Variants in FGD4 observed in about 807,000 individuals in gnomAD.
FGD4 encodes FYVE, RhoGEF and PH domain containing 4.
A neutral mutation model predicts 102.0 loss-of-function variants in FGD4; 42 were observed. The ratio of observed to expected loss-of-function variants is 0.41; its 90% CI spans 0.32 to 0.53. FGD4 has a LOEUF of 0.53. FGD4 is among the 20% of genes least tolerant of loss of function. FGD4 has a pLI of 0.21. For missense variants in FGD4, 902 were observed against 1,078.2 expected, an observed-to-expected ratio of 0.84 and a Z score of 2.29; for synonymous variants, 380 against 375.7, an observed-to-expected ratio of 1.01 and a Z score of -0.13.
chr12:32,450,713 C>G (rs1217937497), intron 1 of FGD4, among the ~76,000 whole-genome samples: 1 of 152,210 alleles, frequency 6.6e-6, no homozygotes, highest in Non-Finnish European at 1.5e-5. Flanking sequence ...TTCATACACA[C>G]GTACACATTT....
chr12:32,533,462 G>A (rs1009636327), intron 1 of FGD4, among the ~76,000 whole-genome samples: 5 of 152,164 alleles, frequency 3.3e-5, no homozygotes, highest in Admixed American at 3.3e-4. Flanking sequence ...GTCTCACTCT[G>A]TCACCGAGGC....
At chr12:32,537,424 G>A (rs1337251657) in intron 1 of FGD4, among the ~76,000 whole-genome samples, 1 of 152,110 alleles carries the variant, frequency 6.6e-6, no homozygotes, top group Non-Finnish European at 1.5e-5. Context: ...ACCTCCTGGA[G>A]TCCATTGTCT....
At chr12:32,509,389 G>A (rs1003097126) in intron 1 of FGD4, among the ~76,000 whole-genome samples, 6 of 151,848 alleles carry the variant, frequency 4.0e-5, no homozygotes, top group African/African-American at 1.5e-4. Context: ...TCTTTAAGAA[G>A]TCCTCAGGTG....
At chr12:32,468,015 CA>C (rs1185835581) in intron 1 of FGD4, among the ~76,000 whole-genome samples, 2 of 151,696 alleles carry the variant, frequency 1.3e-5, no homozygotes, top group Non-Finnish European at 2.9e-5. Flanking sequence ...GACTCCATCT[CA>C]AAAAAAATTT....
chr12:32,526,493 G>T (rs1431340904), intron 1 of FGD4, among the ~76,000 whole-genome samples: 4 of 152,098 alleles, frequency 2.6e-5, no homozygotes, highest in Non-Finnish European at 5.9e-5. Flanking sequence ...GAGAACCTTT[G>T]TATCTAGCTC....
At chr12:32,441,124 G>A (rs559220361) in intron 1 of FGD4, among the ~76,000 whole-genome samples, 14 of 152,248 alleles carry the variant, frequency 9.2e-5, no homozygotes, top group African/African-American at 2.9e-4. Context: ...CCAAGAGCTC[G>A]CTTGATGCTC....
chr12:32,620,291 G>A (rs1949728683), intron 11 of FGD4, among the ~76,000 whole-genome samples: 1 of 152,098 alleles, frequency 6.6e-6, no homozygotes, highest in African/African-American at 2.4e-5. Context: ...TAGGGCCTTA[G>A]GGGCAATCAA....
rs990691614 is a variant in FGD4 at position 32,539,491 on chromosome 12, C to T, written c.167-24646C>T. The stretch of plus-strand genomic sequence containing the variant: ...GGCTGAGGCAGGACAATCGCTTGAA[C>T]CTGAGAGGCGGAGGTTGCAGTGAGC... On this transcript the variant is annotated intron_variant, in intron 1 of 16. Coordinates refer to ENST00000534526, the MANE Select transcript of FGD4 (RefSeq NM_001370298.3). Among the ~76,000 whole-genome samples the T allele has an allele frequency of 2.6e-5, 4 of 151,838 alleles. No homozygotes were observed. In the East Asian group the frequency reaches 7.7e-4, roughly 29 times the overall value.
intron 10 of FGD4, among the ~76,000 whole-genome samples, chr12:32,618,234 T>C (rs942488169): frequency 2.0e-5 from 3 of 152,192 alleles, no homozygotes; most frequent in Non-Finnish European, 2.9e-5. Flanking sequence ...TGTCACTCAG[T>C]TTGCAGGAAC....
intron 1 of FGD4, among the ~76,000 whole-genome samples, chr12:32,432,050 C>CTTTTTTT (rs1565736625): frequency 8.5e-6 from 1 of 117,590 alleles, no homozygotes; most frequent in African/African-American, 3.5e-5. Context: ...GTAATCCTAG[C>CTTTTTTT]ATTTTTTTTT....
At chr12:32,556,556 A>G (rs1944135150) in intron 1 of FGD4, among the ~76,000 whole-genome samples, 1 of 152,108 alleles carries the variant, frequency 6.6e-6, no homozygotes, top group South Asian at 2.1e-4. Context: ...TCCATGCTGT[A>G]GCATATGATA....
At chr12:32,530,941 G>GTGTTTT (rs1941731060) in intron 1 of FGD4, among the ~76,000 whole-genome samples, 1 of 70,466 alleles carries the variant, frequency 1.4e-5, no homozygotes, top group African/African-American at 6.9e-5. Context: ...CCTAGCTTTG[G>GTGTTTT]TTTTTTTTTT....
chr12:32,512,275 C>T (rs1387358968), intron 1 of FGD4, among the ~76,000 whole-genome samples: 1 of 151,828 alleles, frequency 6.6e-6, no homozygotes, highest in Admixed American at 6.6e-5. Context: ...AGTGAAACTC[C>T]CTCTCTACTA....
intron 7 of FGD4, 130 bp downstream of exon 7, chr12:32,602,447 AT>A: frequency 9.9e-7 from 1 of 1,015,176 alleles, no homozygotes; most frequent in Admixed American, 2.0e-5. Flanking sequence ...ACTCCAAATT[AT>A]GCAGATCATC....
intron 6 of FGD4, among the ~76,000 whole-genome samples, 196 bp downstream of exon 6, chr12:32,601,619 A>T (rs1338721415): frequency 6.6e-6 from 1 of 152,246 alleles, no homozygotes; most frequent in Non-Finnish European, 1.5e-5. Context: ...GCTAGTGAAG[A>T]CAAGATATCG....
intron 1 of FGD4, among the ~76,000 whole-genome samples, chr12:32,433,840 CTTA>C (rs1233766737): frequency 6.6e-6 from 1 of 151,518 alleles, no homozygotes. Context: ...AATATATTTA[CTTA>C]TTTATTTATT....
intron 1 of FGD4, among the ~76,000 whole-genome samples, chr12:32,412,412 C>A (rs1336055293): frequency 6.6e-6 from 1 of 152,122 alleles, no homozygotes; most frequent in East Asian, 1.9e-4. Flanking sequence ...GCTTTTAATT[C>A]AAAATACTCA....
At chr12:32,572,741 A>G (rs1027265698) in intron 2 of FGD4, among the ~76,000 whole-genome samples, 3 of 152,204 alleles carry the variant, frequency 2.0e-5, no homozygotes, top group African/African-American at 7.2e-5. Flanking sequence ...TTTTAGTTTT[A>G]TAATATAGTC....
At chr12:32,497,007 G>T (rs1565777417) in intron 1 of FGD4, among the ~76,000 whole-genome samples, 1 of 152,114 alleles carries the variant, frequency 6.6e-6, no homozygotes, top group Non-Finnish European at 1.5e-5. Flanking sequence ...AAATATCCCT[G>T]GGGCATTGGT....
Sources: allele counts gnomAD v4.1 joint callset (sites outside exome capture counted in the v4.1 genomes callset), GRCh38; gene constraint gnomAD v4.1.1; transcripts MANE v1.5; gene names NCBI Gene and HGNC (gene_info 2026-07-23, HGNC 2026-07-21).